IMPA2: variants seen among roughly 807,000 people sequenced by gnomAD.
IMPA2 encodes the protein inositol monophosphatase 2, also known as IMP 2.
Under a neutral mutation model 35.1 loss-of-function variants are expected in IMPA2, and 32 were observed. That is an observed-to-expected ratio of 0.91 (90% confidence interval 0.69 to 1.23). IMPA2 has a LOEUF of 1.23. IMPA2 is among the 50% of genes most tolerant of loss of function. The pLI is 0.00. For missense variants in IMPA2, 334 were observed against 387.6 expected, an observed-to-expected ratio of 0.86 and a Z score of 1.16; for synonymous variants, 135 against 160.6, an observed-to-expected ratio of 0.84 and a Z score of 1.20.
rs180901447 is a variant in IMPA2 at position 11,995,954 on chromosome 18, A to T, written c.97-3100A>T. ...TCCTGATGCTAGGGGTACAGAAGGGAAGCAGAAAGAGCTCTGCCCTCAGAA... is the reference window on the plus strand; with the variant it reads ...TCCTGATGCTAGGGGTACAGAAGGGTAGCAGAAAGAGCTCTGCCCTCAGAA... On this transcript the variant is annotated intron_variant, in intron 1 of 7. Coordinates refer to ENST00000269159, the MANE Select transcript of IMPA2 (RefSeq NM_014214.3). 3.3e-5 allele frequency among the ~76,000 whole-genome samples: 5 copies of T among 152,288 alleles called. No homozygotes were observed. In the East Asian group the frequency reaches 9.6e-4, roughly 29 times the overall value.
rs1304836765 is a variant in IMPA2, at chr18:12,000,665, G to T, written c.230+1478G>T. On this transcript the variant is annotated intron_variant, in intron 2 of 7. Coordinates refer to ENST00000269159, the MANE Select transcript of IMPA2 (RefSeq NM_014214.3). ...GAGTCTTGCTCTGGCGTCCAGGCTG[G>T]AGTGCAGTGGCGTGATCTTGGCTCA... Among the ~76,000 whole-genome samples, 80 of 147,066 alleles carry T rather than the reference G, an allele frequency of 5.4e-4. 1 individual carries two copies. The highest frequency in any genetic ancestry group is 1.9e-4 in the Non-Finnish European group (13 of 67,196).
chr18:11,986,833 C>G (rs1045378181), intron 1 of IMPA2, among the ~76,000 whole-genome samples: 1 of 152,160 alleles, frequency 6.6e-6, no homozygotes, highest in Non-Finnish European at 1.5e-5. Context: ...TTCTGTGTTA[C>G]GCCGTGTAGT....
chr18:12,005,554 GATAA>G (rs1226925982), intron 2 of IMPA2, among the ~76,000 whole-genome samples: 2 of 152,062 alleles, frequency 1.3e-5, no homozygotes, highest in Non-Finnish European at 2.9e-5. Flanking sequence ...AAAACAAATA[GATAA>G]ATAATAAAGG....
At position 11,981,525 on chromosome 18, in the gene IMPA2, A is replaced by T; in HGVS notation, c.-145A>T. ...CGCTGGCTGCCCTTCCCGCCAGCGC[A>T]GGTGTGGGACGGGCGGCGGACTAGG... is the stretch of plus-strand genomic sequence containing the variant. On this transcript the variant is annotated 5_prime_UTR_variant, in exon 1 of 8. Transcript: ENST00000269159. 1 of 464,116 alleles carries T rather than the reference A, an allele frequency of 2.2e-6. No individual in the cohort carries two copies. The highest frequency in any genetic ancestry group is 3.5e-6 in the Non-Finnish European group (1 of 289,804). 28.7% of individuals were successfully genotyped at this position (464,116 alleles called of 1,614,324 possible).
At position 11,992,550 on chromosome 18, in the gene IMPA2, T is replaced by G. The variant is rs1374618464; in HGVS notation, c.97-6504T>G. On this transcript the variant is annotated intron_variant, in intron 1 of 7. Coordinates refer to ENST00000269159, the MANE Select transcript of IMPA2 (RefSeq NM_014214.3). The stretch of plus-strand genomic sequence containing the variant: ...TCTGAAGCTGGTTGATGGTGACCTT[T>G]CCTTTTAGATTTGAAATTCAGGCTT... Among the ~76,000 whole-genome samples, 6 of 152,318 alleles carry G rather than the reference T, an allele frequency of 3.9e-5. No individual in the cohort carries two copies. In the East Asian group the frequency reaches 9.6e-4, roughly 24 times the overall value.
chr18:12,013,871 C>T (rs780556481), intron 4 of IMPA2, among the ~76,000 whole-genome samples: 3 of 152,194 alleles, frequency 2.0e-5, no homozygotes, highest in Non-Finnish European at 4.4e-5. Flanking sequence ...CTTCACACAT[C>T]AGCAATTTTG....
At chr18:12,003,666 A>G (rs1269323418) in intron 2 of IMPA2, among the ~76,000 whole-genome samples, 2 of 20,044 alleles carry the variant, frequency 1.0e-4, no homozygotes, top group East Asian at 3.7e-3. Context: ...AAAAAAAAAG[A>G]AAAGGAAAAA....
At chr18:11,982,638 T>C (rs1335669123) in intron 1 of IMPA2, among the ~76,000 whole-genome samples, 6 of 152,012 alleles carry the variant, frequency 3.9e-5, no homozygotes, top group Admixed American at 3.9e-4. Flanking sequence ...CTACTGAAAA[T>C]ACAAAATTAG....
intron 1 of IMPA2, among the ~76,000 whole-genome samples, chr18:11,987,970 A>G (rs543054636): frequency 5.5e-5 from 8 of 145,792 alleles, no homozygotes; most frequent in African/African-American, 2.0e-4. Flanking sequence ...TTCTTAGATA[A>G]TTAATGAAGT....
chr18:11,989,618 G>C (rs1232858587), intron 1 of IMPA2, among the ~76,000 whole-genome samples: 4 of 152,202 alleles, frequency 2.6e-5, no homozygotes, highest in Non-Finnish European at 5.9e-5. Context: ...GCTAACAAAA[G>C]CTGTCTCAGA....
intron 2 of IMPA2, among the ~76,000 whole-genome samples, chr18:12,009,353 G>T (rs985826701): frequency 1.3e-5 from 2 of 151,972 alleles, no homozygotes; most frequent in South Asian, 4.1e-4. Flanking sequence ...AACCAGCTGC[G>T]GGGGGGCTCT....
At chr18:11,997,281 G>T (rs138374919) in intron 1 of IMPA2, among the ~76,000 whole-genome samples, 4 of 152,314 alleles carry the variant, frequency 2.6e-5, no homozygotes, top group African/African-American at 9.6e-5. Flanking sequence ...GCAAATTGGT[G>T]ATTTGAGAAA....
intron 2 of IMPA2, among the ~76,000 whole-genome samples, chr18:12,003,414 G>C (rs1040100916): frequency 1.3e-5 from 2 of 152,136 alleles, no homozygotes; most frequent in African/African-American, 4.8e-5. Context: ...CAGAGGCCGA[G>C]GTGGGTGGAT....
At chr18:12,014,223 G>C (rs776346683) in intron 4 of IMPA2, 42 bp from the exon 5 acceptor site, 1 of 1,393,368 alleles carries the variant, frequency 7.2e-7, no homozygotes, top group East Asian at 2.3e-5. Flanking sequence ...CATCAAACGA[G>C]TGAACCATCT....
At chr18:12,014,993 G>A (rs1168719983) in intron 5 of IMPA2, among the ~76,000 whole-genome samples, 1 of 152,198 alleles carries the variant, frequency 6.6e-6, no homozygotes, top group Admixed American at 6.5e-5. Context: ...GGTTTTCACT[G>A]ATTCTTTTCG....
intron 2 of IMPA2, among the ~76,000 whole-genome samples, chr18:12,007,628 CTTCTTTCTTTCTTTCT>C (rs71172044): frequency 0.013 from 1,500 of 116,774 alleles, 13 homozygotes; most frequent in South Asian, 0.022. Context: ...CTTTTTCTTT[CTTCTTTCTTTCTTTCT>C]TTCTTTCTTT....
At chr18:12,028,210 C>T in intron 6 of IMPA2, 59 bp downstream of exon 6, 1 of 1,088,604 alleles carries the variant, frequency 9.2e-7, no homozygotes, top group South Asian at 1.3e-5. Context: ...GGAACACGGA[C>T]TTGCTAAAAC....
chr18:12,024,369 C>T lies in IMPA2; in HGVS notation c.491-3674C>T, dbSNP rs182613652. ...CATGGTGGTGCGCACCTGTAATCCC[C>T]GCTACTTGGGAGGCTGAGACAAGAG... On this transcript the variant is annotated intron_variant, in intron 5 of 7. Transcript: ENST00000269159. Among the ~76,000 whole-genome samples, 69 of 151,340 alleles carry T rather than the reference C, an allele frequency of 4.6e-4. No individual in the cohort carries two copies. The South Asian group carries it at 6.3e-3, about 14-fold the overall frequency.
intron 2 of IMPA2, chr18:12,008,448 C>G: frequency 4.0e-6 from 2 of 499,020 alleles, no homozygotes; most frequent in Non-Finnish European, 8.0e-6. Context: ...CTGCCCAAGG[C>G]CTCACCCTTA....
Sources: gnomAD v4.1 joint callset for allele counts (sites outside exome capture counted in the v4.1 genomes callset) on GRCh38, gnomAD v4.1.1 for gene constraint, MANE v1.5 for transcripts, NCBI Gene and HGNC (gene_info 2026-07-23, HGNC 2026-07-21) for gene names.